Variants in ACTR3C observed in about 807,000 individuals in gnomAD.
The protein encoded by ACTR3C is actin-related protein 3C.
In ACTR3C, 18 loss-of-function variants were observed where a neutral mutation model predicts 26.3. The ratio of observed to expected loss-of-function variants is 0.68; its 90% CI spans 0.47 to 1.01. The LOEUF is 1.01. Among genes scored for constraint, ACTR3C ranks in the 50% least tolerant of loss-of-function variants. ACTR3C has a pLI of 0.00. For synonymous variants in ACTR3C, 55 were observed against 94.5 expected (o/e 0.58, Z 2.42); for missense variants, 184 against 250.7 (o/e 0.73, Z 1.80).
At chr7:150,038,986 G>C in the ACTR3C span, among the ~76,000 whole-genome samples, 1 of 95,844 alleles carries the variant, frequency 1.0e-5, no homozygotes, top group Non-Finnish European at 2.2e-5. Flanking sequence ...CCTGCGATCG[G>C]GGTCCTCAGA....
intron 6 of ACTR3C, among the ~76,000 whole-genome samples, chr7:150,280,857 A>G (rs1835274578): frequency 6.6e-6 from 1 of 151,978 alleles, no homozygotes; most frequent in Non-Finnish European, 1.5e-5. Flanking sequence ...TTACTTGTCA[A>G]TATACCTCAA....
chr7:150,309,922 T>C (rs1263360482), intron 1 of ACTR3C, among the ~76,000 whole-genome samples: 1 of 152,140 alleles, frequency 6.6e-6, no homozygotes, highest in Non-Finnish European at 1.5e-5. Context: ...CCCTTTTTAA[T>C]TGATATGGAG....
At chr7:150,319,445 G>T (rs1367430515) in intron 1 of ACTR3C, among the ~76,000 whole-genome samples, 1 of 152,156 alleles carries the variant, frequency 6.6e-6, no homozygotes, top group Non-Finnish European at 1.5e-5. Context: ...GACCTCAGGT[G>T]ATTTGCCTGC....
the ACTR3C span, among the ~76,000 whole-genome samples, chr7:150,180,076 G>C: frequency 1.1e-4 from 16 of 151,008 alleles, no homozygotes; most frequent in South Asian, 2.1e-4. Context: ...GAGGCCGAGG[G>C]GGGTGGATCA....
chr7:150,245,758 A>G (rs2533400), downstream of ACTR3C: 1 of 152,216 alleles, frequency 6.6e-6, no homozygotes, highest in Admixed American at 6.5e-5. Context: ...TATTTGCAAT[A>G]CAGACCTTCA....
the ACTR3C span, among the ~76,000 whole-genome samples, chr7:150,038,880 G>T: frequency 1.7e-5 from 1 of 58,296 alleles, no homozygotes; most frequent in African/African-American, 5.7e-5. Context: ...CCTGCCTCGC[G>T]GGGGGTGCCT....
the ACTR3C span, among the ~76,000 whole-genome samples, chr7:150,042,605 A>G: frequency 2.0e-3 from 282 of 143,534 alleles, 3 homozygotes; most frequent in South Asian, 0.027. Flanking sequence ...CTGCGATGGG[A>G]GTCCCAAGAG....
chr7:149,938,515 T>C, the ACTR3C span, among the ~76,000 whole-genome samples: 3 of 151,710 alleles, frequency 2.0e-5, no homozygotes, highest in African/African-American at 7.3e-5. Flanking sequence ...TTACAGCCAA[T>C]AGACAGGCTG....
chr7:150,243,733 T>G (rs1191243267), downstream of ACTR3C, among the ~76,000 whole-genome samples: 1 of 152,142 alleles, frequency 6.6e-6, no homozygotes, highest in Non-Finnish European at 1.5e-5. Context: ...ATGGAAATAG[T>G]TGTTATGCCG....
chr7:150,182,383 C>A, the ACTR3C span, among the ~76,000 whole-genome samples: 3 of 150,898 alleles, frequency 2.0e-5, no homozygotes, highest in South Asian at 6.2e-4. Context: ...ATTCAGTCTT[C>A]AATTTTGGTC....
chr7:150,177,347 C>T, the ACTR3C span, among the ~76,000 whole-genome samples: 1 of 149,906 alleles, frequency 6.7e-6, no homozygotes. Flanking sequence ...TACCATAGAT[C>T]CAGTTGACCT....
chr7:150,038,718 G>C, the ACTR3C span, among the ~76,000 whole-genome samples: 2 of 141,298 alleles, frequency 1.4e-5, 1 homozygote, highest in Non-Finnish European at 3.1e-5. Flanking sequence ...CTCCAGGTGG[G>C]TCCTAAGGAT....
intron 6 of ACTR3C, among the ~76,000 whole-genome samples, chr7:150,254,293 A>T (rs1487955019): frequency 6.6e-6 from 1 of 152,216 alleles, no homozygotes; most frequent in Non-Finnish European, 1.5e-5. Context: ...CTGATCCTAT[A>T]TTATAATAAG....
At chr7:150,154,349 A>G in the ACTR3C span, among the ~76,000 whole-genome samples, 133 of 152,202 alleles carry the variant, frequency 8.7e-4, no homozygotes, top group African/African-American at 2.8e-3. Context: ...TTTTTTTTAA[A>G]TAAATCTTTG....
the ACTR3C span, among the ~76,000 whole-genome samples, chr7:149,910,557 C>T: frequency 6.6e-6 from 1 of 152,006 alleles, no homozygotes; most frequent in Non-Finnish European, 1.5e-5. Context: ...ATCAGCGCTT[C>T]CTTTCTTATT....
At chr7:150,041,913 G>GC in the ACTR3C span, among the ~76,000 whole-genome samples, 39 of 149,296 alleles carry the variant, frequency 2.6e-4, no homozygotes, top group South Asian at 5.9e-3. Flanking sequence ...TCAGAGCCAG[G>GC]GGGGGAAGAG....
the ACTR3C span, among the ~76,000 whole-genome samples, chr7:149,937,750 C>T: frequency 2.6e-5 from 4 of 152,030 alleles, no homozygotes; most frequent in South Asian, 2.1e-4. Flanking sequence ...GGTCCGGGTG[C>T]GGGGAAGGGC....
At chr7:150,034,714 T>C in the ACTR3C span, among the ~76,000 whole-genome samples, 1,970 of 147,624 alleles carry the variant, frequency 0.013, 49 homozygotes, top group African/African-American at 0.046. Flanking sequence ...GGACACCTAA[T>C]ACCCACAGTC....
the ACTR3C span, among the ~76,000 whole-genome samples, chr7:150,199,591 A>G: frequency 7.4e-6 from 1 of 135,986 alleles, no homozygotes; most frequent in African/African-American, 2.9e-5. Context: ...GAAACACCCA[A>G]GAATTATCAA....
Sources: gnomAD v4.1 joint callset for allele counts (sites outside exome capture counted in the v4.1 genomes callset) on GRCh38, gnomAD v4.1.1 for gene constraint, MANE v1.5 for transcripts, NCBI Gene and HGNC (gene_info 2026-07-23, HGNC 2026-07-21) for gene names.